DPP6: variants seen among roughly 807,000 people sequenced by gnomAD.
DPP6 encodes the protein A-type potassium channel modulatory protein DPP6.
Under a neutral mutation model 122.6 loss-of-function variants are expected in DPP6, and 69 were observed. That is an observed-to-expected ratio of 0.56 (90% CI 0.46 to 0.69). The LOEUF (loss-of-function observed/expected upper bound fraction) is 0.69. Ranked by LOEUF, DPP6 falls within the 30% of genes least tolerant of loss-of-function variation. DPP6 has a pLI of 0.00. For missense variants in DPP6, 928 were observed against 1,116.9 expected, an observed-to-expected ratio of 0.83 and a Z score of 2.41; for synonymous variants, 418 against 433.1, an observed-to-expected ratio of 0.97 and a Z score of 0.43.
At chr7:154,124,115 G>A (rs1286056514) in intron 1 of DPP6, among the ~76,000 whole-genome samples, 1 of 151,998 alleles carries the variant, frequency 6.6e-6, no homozygotes, top group East Asian at 1.9e-4. Flanking sequence ...TGCTCACAGG[G>A]CTTACCTGGG....
chr7:153,818,525 A>G, the DPP6 span, among the ~76,000 whole-genome samples: 2 of 152,214 alleles, frequency 1.3e-5, no homozygotes, highest in Non-Finnish European at 2.9e-5. Context: ...AGCTACAGCT[A>G]TCAGTGAATT....
chr7:154,768,498 G>A (rs1563188953), intron 8 of DPP6, among the ~76,000 whole-genome samples: 1 of 152,154 alleles, frequency 6.6e-6, no homozygotes, highest in African/African-American at 2.4e-5. Flanking sequence ...AATCTAGAGG[G>A]AATTAGTTTA....
At chr7:153,887,654 A>C (rs558844491) in exon 1 of DPP6, 1 of 1,613,256 alleles carries the variant, frequency 6.2e-7, no homozygotes, top group Non-Finnish European at 8.5e-7. Flanking sequence ...TCTTCCCTGG[A>C]CCAGAAGTCG....
chr7:154,646,727 G>A (rs1359078795), intron 6 of DPP6, among the ~76,000 whole-genome samples: 1 of 152,154 alleles, frequency 6.6e-6, no homozygotes, highest in African/African-American at 2.4e-5. Context: ...GAAGGGTGTG[G>A]ACTCTGCCTG....
chr7:154,643,306 A>G (rs758053529), intron 6 of DPP6, among the ~76,000 whole-genome samples: 12 of 152,106 alleles, frequency 7.9e-5, no homozygotes, highest in Non-Finnish European at 1.5e-4. Context: ...TTTGCCTCCA[A>G]TGGAAGCAGA....
chr7:154,165,227 A>G (rs981612926), intron 1 of DPP6, among the ~76,000 whole-genome samples: 15 of 143,834 alleles, frequency 1.0e-4, no homozygotes, highest in Non-Finnish European at 1.8e-4. Flanking sequence ...TCATTGTTCA[A>G]TTCCCACCTA....
intron 1 of DPP6, among the ~76,000 whole-genome samples, chr7:154,263,673 GTTC>G (rs1215582256): frequency 1.3e-5 from 2 of 151,780 alleles, no homozygotes; most frequent in African/African-American, 4.9e-5. Flanking sequence ...CCTCTGTTAT[GTTC>G]TTTTTATTAT....
chr7:154,692,159 CTAT>C (rs1333112270), intron 7 of DPP6, among the ~76,000 whole-genome samples: 1 of 152,268 alleles, frequency 6.6e-6, no homozygotes, highest in African/African-American at 2.4e-5. Flanking sequence ...GAGGAGAAAT[CTAT>C]TATTATCTTG....
intron 1 of DPP6, among the ~76,000 whole-genome samples, chr7:154,196,163 C>A (rs1038506101): frequency 6.6e-6 from 1 of 152,198 alleles, no homozygotes; most frequent in Admixed American, 6.5e-5. Context: ...GTTAGATCTG[C>A]TACAGCTGGA....
chr7:154,580,125 T>C (rs956057752), intron 5 of DPP6, among the ~76,000 whole-genome samples: 2 of 150,906 alleles, frequency 1.3e-5, no homozygotes, highest in Admixed American at 1.3e-4. Flanking sequence ...TGGGTATGTC[T>C]GACGATCTGC....
chr7:154,696,478 C>G lies in DPP6; in HGVS notation c.762+27037C>G, dbSNP rs1046962745. The stretch of plus-strand genomic sequence containing the variant: ...CTCATTTGGATGATAGGTTATAGGA[C>G]CCTCCTAAGTTTGGTGACTTCTGAG... On this transcript the variant is annotated intron_variant, in intron 7 of 25. Transcript: ENST00000377770. Among the ~76,000 whole-genome samples the G allele has an allele frequency of 1.3e-5, 2 of 152,140 alleles. 1 individual carries two copies. The highest frequency in any genetic ancestry group is 1.3e-4 in the Admixed American group (2 of 15,276).
At chr7:154,335,623 A>T (rs1809344840) in intron 1 of DPP6, among the ~76,000 whole-genome samples, 1 of 152,198 alleles carries the variant, frequency 6.6e-6, no homozygotes, top group Non-Finnish European at 1.5e-5. Context: ...TTAGAGTTGG[A>T]TACTGTAGCA....
intron 5 of DPP6, among the ~76,000 whole-genome samples, chr7:154,613,475 C>T (rs569563634): frequency 1.3e-5 from 2 of 151,734 alleles, no homozygotes; most frequent in East Asian, 2.0e-4. Flanking sequence ...CAAAATTAGC[C>T]AGGCATGGTG....
intron 1 of DPP6, among the ~76,000 whole-genome samples, chr7:154,089,294 T>G (rs1219521975): frequency 6.7e-6 from 1 of 148,718 alleles, no homozygotes; most frequent in East Asian, 2.0e-4. Context: ...GACGTTCAAA[T>G]AGAGACTGCT....
At chr7:154,391,836 T>A (rs1274006590) in intron 1 of DPP6, among the ~76,000 whole-genome samples, 2 of 152,174 alleles carry the variant, frequency 1.3e-5, no homozygotes, top group Non-Finnish European at 2.9e-5. Flanking sequence ...ACAAGGTTGC[T>A]TTAGGTCTCG....
intron 3 of DPP6, among the ~76,000 whole-genome samples, chr7:154,489,785 T>C (rs1824114893): frequency 6.6e-6 from 1 of 152,164 alleles, no homozygotes; most frequent in Admixed American, 6.5e-5. Context: ...TGAAGCAGAT[T>C]AATCTAGCTG....
chr7:154,023,318 G>GCACGCACGCACGCACACACA (rs373378162), intron 1 of DPP6, among the ~76,000 whole-genome samples: 36 of 129,618 alleles, frequency 2.8e-4, no homozygotes, highest in African/African-American at 1.2e-3. Flanking sequence ...TTTCTTGTCT[G>GCACGCACGCACGCACACACA]CACACACACA....
At chr7:153,979,556 C>T (rs1796475215) in intron 1 of DPP6, among the ~76,000 whole-genome samples, 1 of 152,178 alleles carries the variant, frequency 6.6e-6, no homozygotes, top group Admixed American at 6.6e-5. Context: ...TGCCTGATTG[C>T]CCTGGCAAGA....
At chr7:154,252,336 A>G (rs1174954380) in intron 1 of DPP6, among the ~76,000 whole-genome samples, 4 of 152,380 alleles carry the variant, frequency 2.6e-5, no homozygotes, top group South Asian at 2.1e-4. Context: ...GTGGTGAACC[A>G]GGATTGGAGA....
Sources: allele counts gnomAD v4.1 joint callset (sites outside exome capture counted in the v4.1 genomes callset), GRCh38; gene constraint gnomAD v4.1.1; transcripts MANE v1.5; gene names NCBI Gene and HGNC (gene_info 2026-07-23, HGNC 2026-07-21).